SSBP2: variants seen among roughly 807,000 people sequenced by gnomAD.
SSBP2 encodes the protein single stranded DNA binding protein 2.
A neutral mutation model predicts 61.8 loss-of-function variants in SSBP2; 17 were observed. The observed-to-expected ratio is 0.28, with a 90% confidence interval of 0.19 to 0.41. SSBP2 has a LOEUF of 0.41. SSBP2 is among the 10% of genes least tolerant of loss of function. SSBP2 has a pLI of 1.00. For synonymous variants in SSBP2, 139 were observed against 141.3 expected (o/e 0.98, Z 0.12); for missense variants, 310 against 458.7 (o/e 0.68, Z 2.96).
At chr5:81,451,107 C>A (rs746704703) in intron 10 of SSBP2, among the ~76,000 whole-genome samples, 96 of 152,198 alleles carry the variant, frequency 6.3e-4, no homozygotes, top group Non-Finnish European at 1.6e-4. Flanking sequence ...AATATTCCCA[C>A]ATGGCAGATT....
chr5:81,552,659 G>GA (rs1772297079), intron 4 of SSBP2, among the ~76,000 whole-genome samples: 1 of 141,724 alleles, frequency 7.1e-6, no homozygotes, highest in African/African-American at 2.6e-5. Flanking sequence ...AAAGAAAAAA[G>GA]AAAGAAGAAA....
intron 1 of SSBP2, among the ~76,000 whole-genome samples, chr5:81,651,879 T>C (rs1368445503): frequency 6.6e-6 from 1 of 152,184 alleles, no homozygotes; most frequent in Admixed American, 6.5e-5. Context: ...TGGCAAATTG[T>C]ATCTTGGAAA....
chr5:81,656,292 C>T (rs1259680023), intron 1 of SSBP2, among the ~76,000 whole-genome samples: 6 of 152,064 alleles, frequency 3.9e-5, no homozygotes, highest in South Asian at 2.1e-4. Context: ...CCTGGTAATC[C>T]GCCCACCTCA....
At chr5:81,583,774 C>T (rs1437414981) in intron 4 of SSBP2, among the ~76,000 whole-genome samples, 3 of 152,096 alleles carry the variant, frequency 2.0e-5, no homozygotes, top group African/African-American at 4.8e-5. Flanking sequence ...ACAACTTCTT[C>T]GCTTTCAAAC....
intron 6 of SSBP2, among the ~76,000 whole-genome samples, chr5:81,485,629 T>G (rs1056763795): frequency 5.9e-5 from 9 of 152,202 alleles, no homozygotes; most frequent in Non-Finnish European, 1.2e-4. Context: ...CCAATTAATA[T>G]GAAAACTAAA....
At chr5:81,489,350 G>A (rs1324755294) in intron 5 of SSBP2, 41 bp from the exon 6 acceptor site, 1 of 1,519,502 alleles carries the variant, frequency 6.6e-7, no homozygotes, top group South Asian at 1.2e-5. Context: ...ACAAAAAACA[G>A]TACAATGTAA....
chr5:81,580,962 T>A (rs906812164), intron 4 of SSBP2, among the ~76,000 whole-genome samples: 8 of 151,998 alleles, frequency 5.3e-5, no homozygotes, highest in African/African-American at 1.9e-4. Flanking sequence ...AGATCTACAA[T>A]AAAGGAAAAA....
At chr5:81,572,080 G>T (rs1773882496) in intron 4 of SSBP2, among the ~76,000 whole-genome samples, 1 of 152,060 alleles carries the variant, frequency 6.6e-6, no homozygotes, top group Non-Finnish European at 1.5e-5. Context: ...TCTAACTATA[G>T]TACCACACCA....
intron 14 of SSBP2, among the ~76,000 whole-genome samples, chr5:81,439,834 G>A (rs935813618): frequency 1.3e-5 from 2 of 151,884 alleles, no homozygotes; most frequent in Non-Finnish European, 2.9e-5. Context: ...ACCGCGCCTG[G>A]CTAATTTTTT....
chr5:81,728,957 G>A (rs1756076539), intron 1 of SSBP2, among the ~76,000 whole-genome samples: 1 of 152,110 alleles, frequency 6.6e-6, no homozygotes, highest in South Asian at 2.1e-4. Context: ...TTAAAAGTCA[G>A]TATTCTGTAT....
intron 15 of SSBP2, among the ~76,000 whole-genome samples, chr5:81,435,141 C>T (rs997500216): frequency 6.6e-6 from 1 of 152,154 alleles, no homozygotes; most frequent in Admixed American, 6.5e-5. Flanking sequence ...TGTTAAGTGG[C>T]ATGTTTATGA....
chr5:81,728,084 G>A (rs777210305), intron 1 of SSBP2, among the ~76,000 whole-genome samples: 1 of 152,194 alleles, frequency 6.6e-6, no homozygotes, highest in Non-Finnish European at 1.5e-5. Context: ...AGCAAGAGAT[G>A]TGTCTGCAGA....
chr5:81,751,604 C>G (rs563727587), upstream of SSBP2: 840 of 159,944 alleles, frequency 5.3e-3, 9 homozygotes, highest in African/African-American at 0.019. Flanking sequence ...CCTCAGCCGC[C>G]CTGGGGCCCC....
chr5:81,714,117 C>G (rs1234525778), intron 1 of SSBP2, among the ~76,000 whole-genome samples: 1 of 152,106 alleles, frequency 6.6e-6, no homozygotes, highest in Non-Finnish European at 1.5e-5. Context: ...CCCATATGTT[C>G]TCATTGTTCA....
chr5:81,466,003 T>A (rs1764867855), intron 9 of SSBP2, among the ~76,000 whole-genome samples: 1 of 152,030 alleles, frequency 6.6e-6, no homozygotes. Context: ...AAAAAAATCC[T>A]GCATAGATGA....
chr5:81,652,943 C>CTT lies in SSBP2; in HGVS notation c.63-2606_63-2605dup, dbSNP rs780568774. Among the ~76,000 whole-genome samples, 174 of 144,676 alleles carry CTT rather than the reference C, an allele frequency of 1.2e-3. 3 individuals carry two copies. Among genetic ancestry groups the CTT allele is most frequent in the Non-Finnish European group, 7.8e-4 (51 of 65,620 alleles). The allele number at this position is 144,676 out of a possible 152,430, so 94.9% of individuals were successfully genotyped here. On this transcript the variant is annotated intron_variant, in intron 1 of 16. Coordinates refer to ENST00000320672, the MANE Select transcript of SSBP2 (RefSeq NM_012446.5). ...CAAGTCCCCAAAGTTCACTGTATCA[C>CTT]TTTTTTTTTTTTCATTATACTTTAA...
At chr5:81,501,310 C>T (rs1156285059) in intron 5 of SSBP2, among the ~76,000 whole-genome samples, 2 of 126,016 alleles carry the variant, frequency 1.6e-5, no homozygotes, top group African/African-American at 2.8e-5. Flanking sequence ...CACATGCATA[C>T]ATTTTGAAAT....
intron 1 of SSBP2, among the ~76,000 whole-genome samples, chr5:81,705,655 A>G (rs1754323176): frequency 6.6e-6 from 1 of 152,228 alleles, no homozygotes; most frequent in Non-Finnish European, 1.5e-5. Flanking sequence ...TTGGAAGTCA[A>G]GTCCTTCCTT....
chr5:81,610,831 T>A (rs571425509), intron 4 of SSBP2, among the ~76,000 whole-genome samples: 2 of 152,114 alleles, frequency 1.3e-5, no homozygotes, highest in East Asian at 3.9e-4. Context: ...CCATCTCTAC[T>A]ACAAATACAA....
Sources: allele counts gnomAD v4.1 joint callset (sites outside exome capture counted in the v4.1 genomes callset), GRCh38; gene constraint gnomAD v4.1.1; transcripts MANE v1.5; gene names NCBI Gene and HGNC (gene_info 2026-07-23, HGNC 2026-07-21).